Variants in CSMD2 observed in about 807,000 individuals in gnomAD.
The protein encoded by CSMD2 is CUB and sushi domain-containing protein 2.
CSMD2 carries 130 observed loss-of-function variants against 398.5 expected under a neutral mutation model. The observed-to-expected ratio is 0.33, with a 90% CI of 0.28 to 0.38. The LOEUF (loss-of-function observed/expected upper bound fraction) is 0.38, where lower values mean the gene tolerates loss of function less well. CSMD2 is among the 10% of genes least tolerant of loss of function. CSMD2 has a pLI of 1.00. For synonymous variants in CSMD2, 1,828 were observed against 1,908.5 expected (o/e 0.96, Z 1.10); for missense variants, 3,829 against 4,764.9 (o/e 0.80, Z 5.78).
intron 1 of CSMD2, among the ~76,000 whole-genome samples, chr1:34,095,631 C>G (rs1220598077): frequency 1.3e-5 from 2 of 151,974 alleles, no homozygotes; most frequent in East Asian, 3.9e-4. Context: ...ACTACAAACA[C>G]CTCTACGCAA....
intron 52 of CSMD2, among the ~76,000 whole-genome samples, chr1:33,568,911 T>C (rs6698114): frequency 0.22 from 33,741 of 152,098 alleles, 3,916 homozygotes; most frequent in African/African-American, 0.28. Flanking sequence ...ATGGAGGAAA[T>C]GATAACTTTG....
chr1:34,164,547 T>C lies in CSMD2; in HGVS notation c.187+364A>G, dbSNP rs1427886774. Among the ~76,000 whole-genome samples, 1 of 151,386 alleles carries C rather than the reference T, an allele frequency of 6.6e-6. No homozygotes were observed. Among genetic ancestry groups the C allele is most frequent in the Non-Finnish European group, 1.5e-5 (1 of 67,842 alleles). On this transcript the variant is annotated intron_variant, in intron 1 of 70. Coordinates refer to ENST00000373381, the MANE Select transcript of CSMD2 (RefSeq NM_001281956.2). The surrounding 1 kb of genome is among the most constrained non-coding windows in gnomAD (Gnocchi z 6.2). ...CCGGGGGAGTAGGGCTCCCGGAAAG[T>C]TTATCGGGAAAAAGCCTAGCACCGT...
At chr1:34,097,246 T>C (rs1212102708) in intron 1 of CSMD2, among the ~76,000 whole-genome samples, 1 of 151,060 alleles carries the variant, frequency 6.6e-6, no homozygotes, top group Admixed American at 6.6e-5. Context: ...CTTTACACCT[T>C]ATACAAAAAT....
chr1:33,799,089 C>G (rs1008310276), intron 10 of CSMD2, among the ~76,000 whole-genome samples: 3 of 152,248 alleles, frequency 2.0e-5, no homozygotes, highest in African/African-American at 7.2e-5. Flanking sequence ...TCCCTATCTC[C>G]TACAGCAGGG....
chr1:33,776,903 A>G (rs1456345749), intron 12 of CSMD2, among the ~76,000 whole-genome samples: 1 of 151,996 alleles, frequency 6.6e-6, no homozygotes, highest in Non-Finnish European at 1.5e-5. Context: ...TGGAATTGAG[A>G]TTTCAGAGGT....
intron 55 of CSMD2, among the ~76,000 whole-genome samples, chr1:33,556,379 C>T (rs1298896460): frequency 6.6e-6 from 1 of 152,140 alleles, no homozygotes; most frequent in South Asian, 2.1e-4. Flanking sequence ...AGACCTACAG[C>T]CACGAGGGCG....
At chr1:33,864,246 T>A (rs756094171) in intron 5 of CSMD2, 1 of 1,613,254 alleles carries the variant, frequency 6.2e-7, no homozygotes, top group Non-Finnish European at 8.5e-7. Flanking sequence ...TTACGTTCAC[T>A]TTTTGCTGAA....
chr1:33,619,132 T>A (rs887139732), intron 37 of CSMD2, among the ~76,000 whole-genome samples: 1 of 152,192 alleles, frequency 6.6e-6, no homozygotes, highest in African/African-American at 2.4e-5. Context: ...AGGGCACTTG[T>A]CCAGGGGCAA....
At chr1:33,941,987 C>T (rs577832467) in intron 3 of CSMD2, among the ~76,000 whole-genome samples, 1 of 152,246 alleles carries the variant, frequency 6.6e-6, no homozygotes, top group African/African-American at 2.4e-5. Flanking sequence ...TAAGGACAGG[C>T]ATTTTTTGGT....
intron 1 of CSMD2, among the ~76,000 whole-genome samples, chr1:34,148,668 G>GCAAGCATGGACCTTTA (rs1553120258): frequency 6.6e-6 from 1 of 152,210 alleles, no homozygotes; most frequent in Admixed American, 6.5e-5. Context: ...CAGGCACTCT[G>GCAAGCATGGACCTTTA]CAAGCATGGA....
At chr1:33,858,715 G>A (rs1639273850) in intron 5 of CSMD2, among the ~76,000 whole-genome samples, 1 of 152,200 alleles carries the variant, frequency 6.6e-6, no homozygotes, top group Admixed American at 6.5e-5. Context: ...AGTGAATTCA[G>A]ATGATTCCCT....
At chr1:33,689,439 A>G (rs956069752) in intron 25 of CSMD2, among the ~76,000 whole-genome samples, 65 of 152,148 alleles carry the variant, frequency 4.3e-4, no homozygotes, top group African/African-American at 1.6e-3. Flanking sequence ...CCATGACTTC[A>G]TATTTCTTGC....
In CSMD2 at chr1:33,537,400, C is replaced by T. The variant is rs368469177; in HGVS notation, c.9805+36G>A. On this transcript the variant is annotated intron_variant, in intron 61 of 70. Transcript: ENST00000373381. The surrounding 1 kb of genome is among the most constrained non-coding windows in gnomAD (Gnocchi z 4.6). Reference sequence around the variant, plus strand: ...CCCAAAAGAAGGTCTCCCGCAACCCCAGCCAAGACGCTCCCTGCTCCAGAT... The same window carrying T: ...CCCAAAAGAAGGTCTCCCGCAACCCTAGCCAAGACGCTCCCTGCTCCAGAT... 3.2e-5 allele frequency: 51 copies of T among 1,581,818 alleles called. No homozygotes were observed. In the African/African-American group the frequency reaches 6.1e-4, roughly 19 times the overall value.
At chr1:33,710,103 C>T (rs1645933607) in intron 21 of CSMD2, among the ~76,000 whole-genome samples, 1 of 152,200 alleles carries the variant, frequency 6.6e-6, no homozygotes, top group Non-Finnish European at 1.5e-5. Context: ...TTTCTATGTC[C>T]TCTACTGCAC....
At chr1:33,795,307 C>G (rs539980419) in intron 10 of CSMD2, among the ~76,000 whole-genome samples, 1 of 152,274 alleles carries the variant, frequency 6.6e-6, no homozygotes, top group South Asian at 2.1e-4. Flanking sequence ...GGTTTCCTAT[C>G]CAGAATGTTC....
chr1:33,632,755 G>A (rs993030732), intron 32 of CSMD2, among the ~76,000 whole-genome samples: 1 of 152,026 alleles, frequency 6.6e-6, no homozygotes, highest in African/African-American at 2.4e-5. Context: ...ATATTCTAAA[G>A]TAACAGAAAT....
chr1:33,971,888 A>G (rs1335272374), intron 3 of CSMD2, among the ~76,000 whole-genome samples: 1 of 152,220 alleles, frequency 6.6e-6, no homozygotes, highest in Non-Finnish European at 1.5e-5. Context: ...TTGGGTGGTT[A>G]GAGAGAGGCA....
chr1:34,033,280 C>T (rs1570887409), intron 2 of CSMD2, among the ~76,000 whole-genome samples: 1 of 152,070 alleles, frequency 6.6e-6, no homozygotes, highest in Admixed American at 6.5e-5. Context: ...ATGGTGGGAT[C>T]AATAGATGGA....
intron 2 of CSMD2, among the ~76,000 whole-genome samples, chr1:34,049,284 G>A (rs1330360517): frequency 6.6e-6 from 1 of 152,174 alleles, no homozygotes. Flanking sequence ...TCACTGGAGA[G>A]TTTTTGCAGG....
Sources: allele counts gnomAD v4.1 joint callset (sites outside exome capture counted in the v4.1 genomes callset), GRCh38; gene constraint gnomAD v4.1.1; non-coding constraint Gnocchi (gnomAD v3.1); transcripts MANE v1.5; gene names NCBI Gene and HGNC (gene_info 2026-07-23, HGNC 2026-07-21).